The following ZNF91 variants were observed in gnomAD, a reference collection of about 807,000 sequenced individuals.
The protein encoded by ZNF91 is zinc finger protein 91 (HPF7, HTF10).
In ZNF91, 7 loss-of-function variants were observed where a neutral mutation model predicts 12.6. That is an observed-to-expected ratio of 0.55 (90% confidence interval 0.31 to 1.04). ZNF91 has a LOEUF of 1.04. Ranked by LOEUF, ZNF91 falls within the 50% of genes least tolerant of loss-of-function variation. The probability of loss-of-function intolerance (pLI) is 0.05; values close to 1 mark genes in which losing one functional copy is unlikely to be tolerated. For synonymous variants in ZNF91, 453 were observed against 462.6 expected (o/e 0.98, Z 0.27); for missense variants, 1,217 against 1,385.4 (o/e 0.88, Z 1.93).
chr19:23,384,804 C>T (rs926350949), intron 1 of ZNF91: 1 of 683,776 alleles, frequency 1.5e-6, no homozygotes. Flanking sequence ...GCACCTCAGA[C>T]TCTGTGTTCA....
intron 3 of ZNF91, among the ~76,000 whole-genome samples, chr19:23,367,961 G>A (rs1969081591): frequency 6.6e-6 from 1 of 152,092 alleles, no homozygotes; most frequent in African/African-American, 2.4e-5. Flanking sequence ...CCAGGCTGGA[G>A]TGCAGTGGCG....
At chr19:23,317,484 C>A (rs1357636671) in intron 1 of ZNF91, among the ~76,000 whole-genome samples, 1 of 152,144 alleles carries the variant, frequency 6.6e-6, no homozygotes, top group Non-Finnish European at 1.5e-5. Context: ...GCAGGGAGAT[C>A]TCAGAGCATA....
chr19:23,364,336 A>T (rs1036710707), intron 3 of ZNF91, among the ~76,000 whole-genome samples: 1 of 152,168 alleles, frequency 6.6e-6, no homozygotes, highest in Non-Finnish European at 1.5e-5. Flanking sequence ...AATCCCAGCT[A>T]CTCAAAGACT....
chr19:23,390,612 C>T (rs1057107584), intron 1 of ZNF91, among the ~76,000 whole-genome samples: 1 of 152,202 alleles, frequency 6.6e-6, no homozygotes, highest in African/African-American at 2.4e-5. Context: ...CCCACCTTGG[C>T]CTCCCAAAGT....
chr19:23,363,864 T>TA (rs1392296823), intron 3 of ZNF91, among the ~76,000 whole-genome samples: 1 of 151,788 alleles, frequency 6.6e-6, no homozygotes, highest in Non-Finnish European at 1.5e-5. Flanking sequence ...GGTAAAAATA[T>TA]AAAAACTGAT....
intron 1 of ZNF91, among the ~76,000 whole-genome samples, chr19:23,379,523 C>T (rs931089826): frequency 2.0e-5 from 3 of 152,064 alleles, no homozygotes; most frequent in East Asian, 1.9e-4. Context: ...AGACGGTTAC[C>T]GTAATTAGTT....
chr19:23,381,448 C>A (rs1356495636), intron 1 of ZNF91, among the ~76,000 whole-genome samples: 2 of 148,618 alleles, frequency 1.3e-5, no homozygotes, highest in Admixed American at 6.8e-5. Context: ...AAACTGAACT[C>A]TTTTTTTCTT....
At chr19:23,340,338 A>G (rs1304441963) in intron 3 of ZNF91, among the ~76,000 whole-genome samples, 5 of 152,186 alleles carry the variant, frequency 3.3e-5, no homozygotes, top group Non-Finnish European at 1.5e-5. Flanking sequence ...TCAGATATAA[A>G]AGAACAGACA....
chr19:23,327,482 T>G (rs1967858908), intron 1 of ZNF91: 1 of 152,148 alleles, frequency 6.6e-6, no homozygotes, highest in Non-Finnish European at 1.5e-5. Context: ...AAGAAAAAGT[T>G]TGCATTATGG....
chr19:23,374,337 A>T (rs891524871), intron 2 of ZNF91, among the ~76,000 whole-genome samples: 1 of 150,072 alleles, frequency 6.7e-6, no homozygotes, highest in Non-Finnish European at 1.5e-5. Context: ...AGGTCAGGAG[A>T]TCGAGACCAT....
intron 1 of ZNF91, among the ~76,000 whole-genome samples, chr19:23,320,354 A>T (rs1301397453): frequency 1.3e-5 from 2 of 152,208 alleles, no homozygotes; most frequent in Non-Finnish European, 2.9e-5. Flanking sequence ...TCTCATGCAT[A>T]TCATATTGTA....
chr19:23,374,484 T>C (rs1450836518), intron 2 of ZNF91, among the ~76,000 whole-genome samples, 154 bp downstream of exon 2: 1 of 136,678 alleles, frequency 7.3e-6, no homozygotes, highest in Non-Finnish European at 1.5e-5. Context: ...GGTGTGAACC[T>C]GGGAGGCAGA....
Position 23,361,540 on chromosome 19 carries a change from T to C in ZNF91, c.1439A>G (p.His480Arg). The C allele has an allele frequency of 6.2e-7, 1 of 1,613,882 alleles. No individual in the cohort carries two copies. The change falls in exon 4 of 4, where the codon CAT becomes CGT. Residue 480 changes from histidine to arginine, a missense_variant. His to Arg is a conservative substitution (Grantham distance 29, BLOSUM62 0). Coordinates refer to ENST00000300619, the MANE Select transcript of ZNF91 (RefSeq NM_003430.4). The stretch of plus-strand genomic sequence containing the variant: ...CTTCTCTCCAGTGTGTATCCTCTTA[T>C]GTCTAGTTAGGGTTGAAGACCATAT... ...AFIWSSTLTR[H>R]KRIHTGEKPY...
At chr19:23,374,954 T>G (rs1403505703) in intron 1 of ZNF91, among the ~76,000 whole-genome samples, 190 bp from the exon 2 acceptor site, 1 of 152,086 alleles carries the variant, frequency 6.6e-6, no homozygotes, top group Admixed American at 6.5e-5. Context: ...GAAAAGAGAG[T>G]GGCATAATAC....
intron 3 of ZNF91, among the ~76,000 whole-genome samples, chr19:23,363,105 C>CA (rs1399583590): frequency 6.6e-6 from 1 of 151,982 alleles, no homozygotes; most frequent in African/African-American, 2.4e-5. Flanking sequence ...GAGCACAATG[C>CA]AAAAAACCAC....
rs201261310 is a variant in ZNF91 at position 23,348,185 on chromosome 19, GA to G, written c.254-9132del. On this transcript the variant is annotated intron_variant, in intron 3 of 3. Coordinates refer to the ZNF91 transcript ENST00000599743. ...TGGCTCTAGTAACCCTCCAGTGGTGGACAAAAAAATCTCCCTTTTTCCCTCA... is the reference window on the plus strand; with the variant it reads ...TGGCTCTAGTAACCCTCCAGTGGTGGCAAAAAAATCTCCCTTTTTCCCTCA... Among the ~76,000 whole-genome samples, 1,660 of 152,112 alleles carry G rather than the reference GA, an allele frequency of 0.011. 139 individuals are homozygous for G. In the East Asian group the frequency reaches 0.23, roughly 21 times the overall value.
chr19:23,387,641 G>T (rs955511522), intron 1 of ZNF91, among the ~76,000 whole-genome samples: 11 of 151,982 alleles, frequency 7.2e-5, no homozygotes, highest in African/African-American at 2.7e-4. Flanking sequence ...GAAGGCTGAG[G>T]AACAAGAGTA....
At chr19:23,393,961 G>A (rs1970150914) in intron 1 of ZNF91, among the ~76,000 whole-genome samples, 1 of 152,164 alleles carries the variant, frequency 6.6e-6, no homozygotes, top group Admixed American at 6.5e-5. Flanking sequence ...GTGCGTCACT[G>A]CACTCCAGCC....
chr19:23,348,223 G>A (rs1251383075), intron 3 of ZNF91, among the ~76,000 whole-genome samples: 1 of 152,000 alleles, frequency 6.6e-6, no homozygotes, highest in Non-Finnish European at 1.5e-5. Flanking sequence ...GAGATTCTGT[G>A]CAACACCAAA....
Sources: allele counts gnomAD v4.1 joint callset (sites outside exome capture counted in the v4.1 genomes callset), GRCh38; gene constraint gnomAD v4.1.1; transcripts MANE v1.5; gene names NCBI Gene and HGNC (gene_info 2026-07-23, HGNC 2026-07-21).